Variants in ATP2B4 observed in about 807,000 individuals in gnomAD.
The protein encoded by ATP2B4 is plasma membrane calcium-transporting ATPase 4.
In ATP2B4, 39 loss-of-function variants were observed where a neutral mutation model predicts 110.3. The observed-to-expected ratio is 0.35, with a 90% CI of 0.27 to 0.46. The LOEUF (loss-of-function observed/expected upper bound fraction) is 0.46, where lower values mean the gene tolerates loss of function less well. Among genes scored for constraint, ATP2B4 ranks in the 20% least tolerant of loss-of-function variants. The pLI is 1.00. For missense variants in ATP2B4, 1,135 were observed against 1,530.9 expected (o/e 0.74, Z 4.32); for synonymous variants, 538 against 571.7 (o/e 0.94, Z 0.84).
chr1:203,635,034 C>T lies in ATP2B4; in HGVS notation c.-465+7815C>T, dbSNP rs1571663218. Among the ~76,000 whole-genome samples, 4 of 152,124 alleles carry T rather than the reference C, an allele frequency of 2.6e-5. No individual in the cohort carries two copies. In the South Asian group the frequency reaches 8.3e-4, roughly 32 times the overall value. ...TTGTTGCCCAGGCTGGAGTGCAATG[C>T]TGCAAACTCAGCTCACCGCAACCTC... On this transcript the variant is annotated intron_variant, in intron 1 of 20. Coordinates refer to ENST00000357681, the MANE Select transcript of ATP2B4 (RefSeq NM_001684.5).
intron 12 of ATP2B4, 89 bp downstream of exon 12, chr1:203,711,197 C>T: frequency 2.4e-6 from 3 of 1,237,806 alleles, no homozygotes; most frequent in Non-Finnish European, 3.5e-6. Context: ...AACCTAACTG[C>T]CTCTCACTTA....
intron 9 of ATP2B4, 29 bp from the exon 10 acceptor site, chr1:203,707,832 CT>C: frequency 6.2e-7 from 1 of 1,609,662 alleles, no homozygotes; most frequent in Non-Finnish European, 8.5e-7. Flanking sequence ...GTTAGTCCCC[CT>C]CTCAAGTCTT....
intron 1 of ATP2B4, among the ~76,000 whole-genome samples, chr1:203,630,096 A>T (rs1663217574): frequency 6.6e-6 from 1 of 152,166 alleles, no homozygotes; most frequent in Non-Finnish European, 1.5e-5. Flanking sequence ...GGGCCCAGTT[A>T]GGGGCAGAAG....
chr1:203,683,459 T>C (rs2102362164), intron 2 of ATP2B4, 61 bp downstream of exon 2: 3 of 1,485,210 alleles, frequency 2.0e-6, no homozygotes. Context: ...AAAATATTGT[T>C]TTCCCAGCTT....
intron 19 of ATP2B4, among the ~76,000 whole-genome samples, chr1:203,724,865 C>CTCTTT (rs1214526316): frequency 0.014 from 1,438 of 101,334 alleles, 147 homozygotes; most frequent in South Asian, 0.025. Flanking sequence ...ATCCAGCTCT[C>CTCTTT]TGTTTTTTTT....
chr1:203,707,039 T>A lies in ATP2B4; in HGVS notation c.1130T>A (p.Ile377Asn). ...GLLMSALTVF[I>N]LILYFVIDNF... Reference sequence around the variant, plus strand: ...CTCATGTCTGCTCTCACGGTTTTCATCCTGATTCTATACTTTGTGATTGAC... The same window carrying A: ...CTCATGTCTGCTCTCACGGTTTTCAACCTGATTCTATACTTTGTGATTGAC... The change falls in exon 9 of 21, where the codon ATC becomes AAC. Residue 377 changes from isoleucine to asparagine, a missense_variant. Ile to Asn is a moderately radical substitution (Grantham distance 149). Coordinates refer to ENST00000357681, the MANE Select transcript of ATP2B4 (RefSeq NM_001684.5). 6.2e-7 allele frequency: 1 copy of A among 1,614,026 alleles called. No individual in the cohort carries two copies. The highest frequency in any genetic ancestry group is 8.5e-7 in the Non-Finnish European group (1 of 1,179,966).
chr1:203,693,794 G>A (rs1665453247), intron 2 of ATP2B4, among the ~76,000 whole-genome samples: 1 of 152,176 alleles, frequency 6.6e-6, no homozygotes, highest in Non-Finnish European at 1.5e-5. Context: ...AAGGAAGTAG[G>A]GTGGCCAACC....
At chr1:203,680,381 G>A (rs1272417245) in intron 1 of ATP2B4, among the ~76,000 whole-genome samples, 1 of 152,102 alleles carries the variant, frequency 6.6e-6, no homozygotes, top group African/African-American at 2.4e-5. Context: ...AGGCCGAGGC[G>A]TGCGGATCAC....
Position 203,657,759 on chromosome 1 carries a change from A to G in ATP2B4, c.-464-24983A>G, listed in dbSNP as rs1328876670. On this transcript the variant is annotated intron_variant, in intron 1 of 20. Transcript: ENST00000357681. ...TAATTCAATATATTCGTTCTGTGGC[A>G]TGGTGACAGGCGCAGAACCACCAGG... is the stretch of plus-strand genomic sequence containing the variant. The G allele has an allele frequency of 4.4e-6, 3 of 675,472 alleles. No homozygotes were observed. In the Admixed American group the frequency reaches 7.0e-5, roughly 16 times the overall value. The allele number at this position is 675,472 out of a possible 1,614,324, so 41.8% of individuals were successfully genotyped here.
intron 6 of ATP2B4, 113 bp from the exon 7 acceptor site, chr1:203,701,931 C>A (rs999916652): frequency 9.4e-7 from 1 of 1,061,762 alleles, no homozygotes. Flanking sequence ...CCCTTCCCTG[C>A]AACCCAAACA....
In ATP2B4 at chr1:203,695,557, A is replaced by G. The variant is rs193282906; in HGVS notation, c.194-2600A>G. Among the ~76,000 whole-genome samples, 219 of 152,278 alleles carry G rather than the reference A, an allele frequency of 1.4e-3. 2 individuals carry two copies. Among genetic ancestry groups the G allele is most frequent in the African/African-American group, 5.0e-3 (209 of 41,564 alleles). ...GTGATGTGCTTGGGCACTGGGAGTC[A>G]GGAGACCCTGGATAAGCCATCAGGC... On this transcript the variant is annotated intron_variant, in intron 2 of 20. Coordinates refer to ENST00000357681, the MANE Select transcript of ATP2B4 (RefSeq NM_001684.5).
At chr1:203,713,366 G>A (rs1666067903) in intron 14 of ATP2B4, 114 bp downstream of exon 14, 1 of 1,111,676 alleles carries the variant, frequency 9.0e-7, no homozygotes, top group African/African-American at 1.5e-5. Flanking sequence ...GGTCCTAGGA[G>A]AGCTCCCAGG....
At chr1:203,654,625 C>T (rs1370455627) in intron 1 of ATP2B4, among the ~76,000 whole-genome samples, 2 of 152,168 alleles carry the variant, frequency 1.3e-5, no homozygotes, top group African/African-American at 2.4e-5. Context: ...AATGGTGGCT[C>T]ATGCTTGTAA....
chr1:203,683,666 C>CTTTTTTTTTTTTTTTTTTTTTTTT (rs11326748), intron 2 of ATP2B4, among the ~76,000 whole-genome samples: 9 of 77,704 alleles, frequency 1.2e-4, no homozygotes, highest in East Asian at 4.7e-4. Context: ...TCTTTTGTTT[C>CTTTTTTTTTTTTTTTTTTTTTTTT]TTTTTTTTTT....
At position 203,708,103 on chromosome 1, in the gene ATP2B4, T is replaced by A. The variant is rs1170285176; in HGVS notation, c.1556T>A (p.Leu519Gln). The A allele has an allele frequency of 6.2e-7, 1 of 1,614,198 alleles. No homozygotes were observed. Reference sequence around the variant, plus strand: ...AACAGTGCTTATACCTCCAAGATTCTGGTAAGCATTTCCTTTGCGTAGACA... The same window carrying A: ...AACAGTGCTTATACCTCCAAGATTCAGGTAAGCATTTCCTTTGCGTAGACA... ...SINSAYTSKILPPEKEGGLPR... is the reference protein window; with the variant it reads ...SINSAYTSKIQPPEKEGGLPR... Residue 519 changes from leucine to glutamine, a missense_variant and splice_region_variant, in exon 10 of 21, where the codon CTG (leucine) becomes CAG (glutamine). Leu to Gln is a moderately radical substitution (Grantham distance 113). This residue lies in a region of ATP2B4 where 368 missense variants were observed against 455.9 expected (regional missense o/e 0.81). Transcript: ENST00000357681.
At chr1:203,681,387 G>T (rs1434921088) in intron 1 of ATP2B4, among the ~76,000 whole-genome samples, 1 of 152,154 alleles carries the variant, frequency 6.6e-6, no homozygotes, top group Non-Finnish European at 1.5e-5. Context: ...GTGCTTCTTT[G>T]TTCACCTTCT....
Position 203,737,605 on chromosome 1 carries a change from C to A in ATP2B4, c.3310-1941C>A, listed in dbSNP as rs149136026. ...GGAGCCTCCATTCCATCTGATCTCACCTAGATCTGGAGCAAAGGCAACATG... is the reference window on the plus strand; with the variant it reads ...GGAGCCTCCATTCCATCTGATCTCAACTAGATCTGGAGCAAAGGCAACATG... On this transcript the variant is annotated intron_variant, in intron 20 of 20. Coordinates refer to ENST00000357681, the MANE Select transcript of ATP2B4 (RefSeq NM_001684.5). Among the ~76,000 whole-genome samples the A allele has an allele frequency of 1.7e-3, 252 of 152,278 alleles. 1 individual carries two copies. The highest frequency in any genetic ancestry group is 2.9e-3 in the Admixed American group (45 of 15,300).
At chr1:203,699,890 G>A (rs887624377) in intron 4 of ATP2B4, among the ~76,000 whole-genome samples, 173 bp downstream of exon 4, 9 of 152,180 alleles carry the variant, frequency 5.9e-5, no homozygotes, top group Admixed American at 2.0e-4. Context: ...TCAGAAAGGA[G>A]TAGCTGAAAC....
At chr1:203,724,764 C>G (rs77890863) in intron 19 of ATP2B4, among the ~76,000 whole-genome samples, 21,069 of 151,534 alleles carry the variant, frequency 0.14, 1,767 homozygotes, top group South Asian at 0.26. Flanking sequence ...TAACTCTTAC[C>G]TGAGATAAAT....
Sources: allele counts gnomAD v4.1 joint callset (sites outside exome capture counted in the v4.1 genomes callset), GRCh38; gene constraint gnomAD v4.1.1; regional missense constraint gnomAD v4.1.1; transcripts MANE v1.5; gene names NCBI Gene and HGNC (gene_info 2026-07-23, HGNC 2026-07-21).